SLC22A15: variants seen among roughly 807,000 people sequenced by gnomAD.
SLC22A15 encodes the protein flipt 1.
SLC22A15 carries 45 observed loss-of-function variants against 62.7 expected under a neutral mutation model. The ratio of observed to expected loss-of-function variants is 0.72; its 90% confidence interval spans 0.56 to 0.92. The LOEUF is 0.92. SLC22A15 is among the 40% of genes least tolerant of loss of function. The pLI is 0.00. For missense variants in SLC22A15, 622 were observed against 665.6 expected (o/e 0.93, Z 0.72); for synonymous variants, 264 against 267.0 (o/e 0.99, Z 0.11).
At position 115,992,122 on chromosome 1, in the gene SLC22A15, G is replaced by T. The variant is rs372450677; in HGVS notation, c.179G>T (p.Ser60Ile). 5.0e-6 allele frequency: 8 copies of T among 1,613,822 alleles called. No homozygotes were observed. The African/African-American group carries it at 1.1e-4, about 22-fold the overall frequency. The change falls in exon 2 of 12, where the codon AGC becomes ATC. Residue 60 changes from serine to isoleucine, a missense_variant. By Grantham distance (142) the Ser-to-Ile change is moderately radical. Coordinates refer to ENST00000369503, the MANE Select transcript of SLC22A15 (RefSeq NM_018420.3). Reference protein sequence around the residue: ...WDLAELLPNQSHGNQSAGEDQ... With the variant: ...WDLAELLPNQIHGNQSAGEDQ... Reference sequence around the variant, plus strand: ...CTGGCAGAGCTCCTGCCAAATCAGAGCCACGGTAACCAGTCAGCTGGTGAA... The same window carrying T: ...CTGGCAGAGCTCCTGCCAAATCAGATCCACGGTAACCAGTCAGCTGGTGAA...
intron 2 of SLC22A15, among the ~76,000 whole-genome samples, chr1:116,010,128 T>C (rs569028651): frequency 6.6e-6 from 1 of 152,360 alleles, no homozygotes; most frequent in South Asian, 2.1e-4. Context: ...AGCGAATTTA[T>C]GTAGCAAATT....
At chr1:115,997,901 T>C in intron 2 of SLC22A15, among the ~76,000 whole-genome samples, 1 of 152,168 alleles carries the variant, frequency 6.6e-6, no homozygotes, top group East Asian at 1.9e-4. Context: ...GTTTTCTGTG[T>C]CCAGTGTGAT....
intron 8 of SLC22A15, among the ~76,000 whole-genome samples, chr1:116,061,183 G>A (rs1658370703): frequency 1.3e-5 from 2 of 152,152 alleles, no homozygotes; most frequent in African/African-American, 4.8e-5. Context: ...ACCAACCTGG[G>A]TCTGAGAGAA....
chr1:116,064,775 AG>A (rs1050100964), intron 10 of SLC22A15, among the ~76,000 whole-genome samples: 1 of 152,096 alleles, frequency 6.6e-6, no homozygotes, highest in Non-Finnish European at 1.5e-5. Flanking sequence ...CCCATGAAAA[AG>A]TTAGTCAACT....
At chr1:116,019,496 C>T in intron 2 of SLC22A15, 86 bp from the exon 3 acceptor site, 1 of 1,310,612 alleles carries the variant, frequency 7.6e-7, no homozygotes, top group Non-Finnish European at 1.0e-6. Context: ...TATAGAAATT[C>T]TGGTGTACAA....
At chr1:116,042,167 T>C (rs1657805814) in intron 8 of SLC22A15, among the ~76,000 whole-genome samples, 1 of 144,520 alleles carries the variant, frequency 6.9e-6, no homozygotes, top group African/African-American at 2.5e-5. Context: ...AGCAGGAAAA[T>C]ACCTCCCACA....
chr1:116,066,894 G>A lies in SLC22A15; in HGVS notation c.1555-125G>A, dbSNP rs182980722. ...CATTAGCTTTCCTAGAATATTTTAG[G>A]GGCTATTTCTTGGGGGAATGAATGT... On this transcript the variant is annotated intron_variant, in intron 11 of 11. Transcript: ENST00000369503. 1.7e-5 allele frequency: 16 copies of A among 940,616 alleles called. No homozygotes were observed. In the East Asian group the frequency reaches 2.9e-4, roughly 17 times the overall value. 58.3% of individuals were successfully genotyped at this position (940,616 alleles called of 1,614,324 possible). A position where few individuals can be genotyped will look rare whatever the true frequency, so the allele number is the denominator to read the frequency against.
chr1:116,043,181 T>G (rs1305346583), intron 8 of SLC22A15, among the ~76,000 whole-genome samples: 5 of 152,212 alleles, frequency 3.3e-5, no homozygotes, highest in East Asian at 3.8e-4. Flanking sequence ...CCCAGCACTT[T>G]GGGAGGCCAA....
At chr1:115,977,095 A>G (rs1355991817) in intron 1 of SLC22A15, among the ~76,000 whole-genome samples, 1 of 152,178 alleles carries the variant, frequency 6.6e-6, no homozygotes, top group Admixed American at 6.5e-5. Flanking sequence ...TTGTTACCCT[A>G]CCTGTGGCAC....
At position 116,068,511 on chromosome 1, in the gene SLC22A15, A is replaced by G. The variant is rs1198735128; in HGVS notation, c.*1403A>G. 5 of 152,266 alleles carry G rather than the reference A, an allele frequency of 3.3e-5. No individual in the cohort carries two copies. The highest frequency in any genetic ancestry group is 2.9e-5 in the Non-Finnish European group (2 of 68,032). The allele number at this position is 152,266 out of a possible 1,614,324, so 9.4% of individuals were successfully genotyped here. ...ACTGACTTCTGGTTTCCACTGTATCAGTATGTACCTTTGTAATTGTTATTT... is the reference window on the plus strand; with the variant it reads ...ACTGACTTCTGGTTTCCACTGTATCGGTATGTACCTTTGTAATTGTTATTT... On this transcript the variant is annotated 3_prime_UTR_variant, in exon 12 of 12. Transcript: ENST00000369503.
At chr1:116,028,440 A>G (rs1357519080) in intron 5 of SLC22A15, among the ~76,000 whole-genome samples, 1 of 150,258 alleles carries the variant, frequency 6.7e-6, no homozygotes, top group African/African-American at 2.5e-5. Context: ...TAAATTTCCT[A>G]CTTCTCCATC....
chr1:116,053,990 A>C (rs1416213403), intron 8 of SLC22A15, among the ~76,000 whole-genome samples: 2 of 152,052 alleles, frequency 1.3e-5, no homozygotes, highest in African/African-American at 2.4e-5. Context: ...GAAGAAACTG[A>C]ATCAACTAAT....
chr1:115,988,327 C>T (rs114496957), intron 1 of SLC22A15, among the ~76,000 whole-genome samples: 2,740 of 152,124 alleles, frequency 0.018, 35 homozygotes, highest in Middle Eastern at 0.065. Flanking sequence ...GAGAGAAGAA[C>T]GAGCGAATAT....
At chr1:116,032,928 A>G (rs1331238226) in intron 6 of SLC22A15, 3 of 152,234 alleles carry the variant, frequency 2.0e-5, no homozygotes, top group African/African-American at 7.2e-5. Context: ...TTTTTCCCCC[A>G]TGTATATTAA....
intron 4 of SLC22A15, among the ~76,000 whole-genome samples, chr1:116,022,458 T>A (rs1324285368): frequency 6.6e-6 from 1 of 152,216 alleles, no homozygotes; most frequent in African/African-American, 2.4e-5. Context: ...TAGAGCACCA[T>A]GAATACATAT....
At chr1:116,042,316 G>A (rs576772064) in intron 8 of SLC22A15, among the ~76,000 whole-genome samples, 1 of 151,338 alleles carries the variant, frequency 6.6e-6, no homozygotes, top group East Asian at 2.0e-4. Context: ...GAGGCCAAAA[G>A]AAAGAAAAAG....
At position 116,019,645 on chromosome 1, in the gene SLC22A15, G is replaced by A; in HGVS notation, c.364G>A (p.Val122Ile). ...AGCAAGCTCTTTTTTCTTCAGTGGT[G>A]TATTTGTTGGAGTTATCTCTTTTGG... ...SAASSFFFSG[V>I]FVGVISFGQL... Residue 122 changes from valine (V) to isoleucine (I), a missense_variant, in exon 3 of 12, where the codon GTA (valine) becomes ATA (isoleucine). Val to Ile is a conservative substitution (Grantham distance 29). Coordinates refer to ENST00000369503, the MANE Select transcript of SLC22A15 (RefSeq NM_018420.3). 1.2e-6 allele frequency: 2 copies of A among 1,613,534 alleles called. No homozygotes were observed. The highest frequency in any genetic ancestry group is 1.1e-5 in the South Asian group (1 of 90,964).
chr1:116,066,489 T>C, intron 10 of SLC22A15, 31 bp from the exon 11 acceptor site: 2 of 1,482,946 alleles, frequency 1.3e-6, no homozygotes, highest in South Asian at 1.3e-5. Flanking sequence ...AATTCTCTGG[T>C]TTATTTTCAT....
intron 3 of SLC22A15, among the ~76,000 whole-genome samples, 185 bp from the exon 4 acceptor site, chr1:116,020,536 A>G (rs371926048): frequency 1.2e-4 from 18 of 151,288 alleles, no homozygotes; most frequent in African/African-American, 4.1e-4. Context: ...AGCCTGGGTG[A>G]CAGAGCGAGA....
Sources: gnomAD v4.1 joint callset for allele counts (sites outside exome capture counted in the v4.1 genomes callset) on GRCh38, gnomAD v4.1.1 for gene constraint, MANE v1.5 for transcripts, NCBI Gene and HGNC (gene_info 2026-07-23, HGNC 2026-07-21) for gene names.